DRD2: variants seen among roughly 807,000 people sequenced by gnomAD.
DRD2 encodes the protein D(2) dopamine receptor.
A neutral mutation model predicts 38.0 loss-of-function variants in DRD2; 8 were observed. The observed-to-expected ratio is 0.21, with a 90% CI of 0.12 to 0.38. The LOEUF is 0.38. Among genes scored for constraint, DRD2 ranks in the 10% least tolerant of loss-of-function variants. The pLI is 1.00. For synonymous variants in DRD2, 230 were observed against 238.6 expected (o/e 0.96, Z 0.33); for missense variants, 403 against 607.7 (o/e 0.66, Z 3.54).
At chr11:113,415,959 A>G (rs1950821833) in intron 4 of DRD2, among the ~76,000 whole-genome samples, 1 of 152,244 alleles carries the variant, frequency 6.6e-6, no homozygotes, top group Non-Finnish European at 1.5e-5. Flanking sequence ...CTTTTAAAAG[A>G]GTAAACCATC....
chr11:113,465,233 T>C (rs1477501887), intron 1 of DRD2, among the ~76,000 whole-genome samples: 1 of 152,134 alleles, frequency 6.6e-6, no homozygotes, highest in Non-Finnish European at 1.5e-5. Flanking sequence ...CCCCAGTAGC[T>C]GGGATTACAG....
intron 1 of DRD2, among the ~76,000 whole-genome samples, chr11:113,451,835 C>A (rs1291200714): frequency 1.3e-5 from 2 of 152,300 alleles, no homozygotes; most frequent in East Asian, 3.8e-4. Flanking sequence ...TTAAATGAAT[C>A]TTTGACATGT....
intron 1 of DRD2, among the ~76,000 whole-genome samples, chr11:113,449,028 A>G (rs1210434664): frequency 6.6e-6 from 1 of 152,182 alleles, no homozygotes; most frequent in Non-Finnish European, 1.5e-5. Context: ...CCTGAAGGGA[A>G]AAGTCCAGAT....
At chr11:113,431,979 G>T (rs187045221) in intron 1 of DRD2, among the ~76,000 whole-genome samples, 1 of 152,220 alleles carries the variant, frequency 6.6e-6, no homozygotes, top group Non-Finnish European at 1.5e-5. Context: ...GACAGGGAGT[G>T]GGCAGGCCTT....
At chr11:113,420,642 A>G (rs988296243) in intron 2 of DRD2, among the ~76,000 whole-genome samples, 1 of 152,250 alleles carries the variant, frequency 6.6e-6, no homozygotes, top group Non-Finnish European at 1.5e-5. Flanking sequence ...TGGAATCTGA[A>G]ACATCACATC....
intron 1 of DRD2, among the ~76,000 whole-genome samples, chr11:113,432,079 G>C (rs1230157384): frequency 1.3e-5 from 2 of 152,150 alleles, no homozygotes; most frequent in African/African-American, 4.8e-5. Flanking sequence ...GTATTGGAAG[G>C]GAAAAAAGCT....
At chr11:113,464,407 T>G (rs1422669039) in intron 1 of DRD2, among the ~76,000 whole-genome samples, 5 of 152,216 alleles carry the variant, frequency 3.3e-5, no homozygotes, top group African/African-American at 1.2e-4. Context: ...CAACCATTTA[T>G]GCCCACTCTA....
intron 1 of DRD2, among the ~76,000 whole-genome samples, chr11:113,469,831 C>T (rs73557301): frequency 0.017 from 2,621 of 152,040 alleles, 85 homozygotes; most frequent in African/African-American, 0.06. Flanking sequence ...CAGAGCAAGA[C>T]CTCTCTCTAA....
At chr11:113,438,811 T>C (rs533351282) in intron 1 of DRD2, among the ~76,000 whole-genome samples, 7 of 152,172 alleles carry the variant, frequency 4.6e-5, no homozygotes, top group Admixed American at 2.6e-4. Context: ...AGGACCAGCA[T>C]GAGATGTGAT....
chr11:113,428,385 C>A (rs992256460), intron 1 of DRD2, among the ~76,000 whole-genome samples: 2 of 152,198 alleles, frequency 1.3e-5, no homozygotes, highest in African/African-American at 2.4e-5. Flanking sequence ...CAGCTTCTGG[C>A]TGTCCCAGGG....
At chr11:113,441,731 T>C (rs984843188) in intron 1 of DRD2, among the ~76,000 whole-genome samples, 1 of 152,148 alleles carries the variant, frequency 6.6e-6, no homozygotes, top group African/African-American at 2.4e-5. Flanking sequence ...ACGCCTGTGA[T>C]CCCAGTACTT....
At position 113,418,140 on chromosome 11, in the gene DRD2, G is replaced by C; in HGVS notation, c.286-4C>G. The C allele has an allele frequency of 6.2e-7, 1 of 1,612,286 alleles. No individual in the cohort carries two copies. The highest frequency in any genetic ancestry group is 8.5e-7 in the Non-Finnish European group (1 of 1,178,358). ...TGAATTTCCACTCACCTACCACCTG[G>C]GGACAAAGCAACATAATGGATGGAC... On this transcript the variant is annotated splice_region_variant and splice_polypyrimidine_tract_variant and intron_variant, in intron 2 of 7. Coordinates refer to ENST00000362072, the MANE Select transcript of DRD2 (RefSeq NM_000795.4).
chr11:113,431,981 G>A (rs1474540735), intron 1 of DRD2, among the ~76,000 whole-genome samples: 1 of 152,238 alleles, frequency 6.6e-6, no homozygotes, highest in African/African-American at 2.4e-5. Flanking sequence ...CAGGGAGTGG[G>A]CAGGCCTTCT....
intron 1 of DRD2, among the ~76,000 whole-genome samples, chr11:113,448,321 G>C (rs1468741965): frequency 6.6e-6 from 1 of 152,160 alleles, no homozygotes; most frequent in Non-Finnish European, 1.5e-5. Flanking sequence ...AAGGAACCAG[G>C]CAGCAACTGT....
At chr11:113,415,856 C>T (rs945918796) in intron 4 of DRD2, among the ~76,000 whole-genome samples, 5 of 152,230 alleles carry the variant, frequency 3.3e-5, no homozygotes, top group Non-Finnish European at 7.3e-5. Flanking sequence ...CAAGTCTTTC[C>T]ATTACTATTC....
chr11:113,444,927 CA>C (rs1488974334), intron 1 of DRD2, among the ~76,000 whole-genome samples: 12 of 152,214 alleles, frequency 7.9e-5, no homozygotes, highest in Admixed American at 7.9e-4. Context: ...AACTTCCTGC[CA>C]CTTTTGTAGC....
rs149829308 is a variant in DRD2 at position 113,429,525 on chromosome 11, G to A, written c.-31-4843C>T. 6.1e-3 allele frequency among the ~76,000 whole-genome samples: 935 copies of A among 152,238 alleles called. 11 individuals carry two copies. Among genetic ancestry groups the A allele is most frequent in the African/African-American group, 0.022 (895 of 41,522 alleles). The stretch of plus-strand genomic sequence containing the variant: ...CTCCCAGAGTGCTGGGATTACAGGC[G>A]TGAGCCACCGCACCCGGCCAGTACA... On this transcript the variant is annotated intron_variant, in intron 1 of 7. Coordinates refer to ENST00000362072, the MANE Select transcript of DRD2 (RefSeq NM_000795.4).
Position 113,415,495 on chromosome 11 carries a change from G to A in DRD2, c.649C>T (p.Arg217Cys), listed in dbSNP as rs1487691738. The part of the protein sequence containing the change: ...LVYIKIYIVL[R>C]RRRKRVNTKR... ...GTGTTGACTCGCTTGCGGCGTCTGC[G>A]GAGGACAATGTAGATCTTGATGTAG... The change falls in exon 5 of 8, where the codon CGC (arginine) becomes TGC (cysteine). Residue 217 changes from arginine to cysteine, a missense_variant. Transcript: ENST00000362072. 8 of 1,613,988 alleles carry A rather than the reference G, an allele frequency of 5.0e-6. No homozygotes were observed. The highest frequency in any genetic ancestry group is 2.2e-5 in the South Asian group (2 of 91,084).
At chr11:113,452,822 A>G (rs990855929) in intron 1 of DRD2, among the ~76,000 whole-genome samples, 2 of 148,686 alleles carry the variant, frequency 1.3e-5, no homozygotes, top group East Asian at 3.9e-4. Context: ...TAATTTTTGT[A>G]TTTTTTTTTA....
Sources: gnomAD v4.1 joint callset for allele counts (sites outside exome capture counted in the v4.1 genomes callset) on GRCh38, gnomAD v4.1.1 for gene constraint, MANE v1.5 for transcripts, NCBI Gene and HGNC (gene_info 2026-07-23, HGNC 2026-07-21) for gene names.